The following RBM12B variants were observed in gnomAD, a reference collection of about 807,000 sequenced individuals.
RBM12B encodes the protein RNA-binding protein 12B.
RBM12B carries 10 observed loss-of-function variants against 34.3 expected under a neutral mutation model. That is an observed-to-expected ratio of 0.29 (90% CI 0.18 to 0.49). The LOEUF (loss-of-function observed/expected upper bound fraction) is 0.49. Among genes scored for constraint, RBM12B ranks in the 20% least tolerant of loss-of-function variants. The pLI, the probability that RBM12B is intolerant of heterozygous loss-of-function variation, is 0.99. For missense variants in RBM12B, 1,139 were observed against 1,262.7 expected, an observed-to-expected ratio of 0.90 and a Z score of 1.48; for synonymous variants, 477 against 437.1, an observed-to-expected ratio of 1.09 and a Z score of -1.14.
chr8:93,736,834 A>C (rs1812036040), intron 3 of RBM12B, among the ~76,000 whole-genome samples: 1 of 152,254 alleles, frequency 6.6e-6, no homozygotes, highest in South Asian at 2.1e-4. Flanking sequence ...TGAATTTTAC[A>C]TATTTAGAAA....
Position 93,736,104 on chromosome 8 carries a change from C to T in RBM12B, c.307G>A (p.Val103Ile), listed in dbSNP as rs990728066. ...TCAATAAAATTAGACAGGCTGTCAACCCCTGATGTCCCAGATCCTGGACGC... is the reference window on the plus strand; with the variant it reads ...TCAATAAAATTAGACAGGCTGTCAATCCCTGATGTCCCAGATCCTGGACGC... ...RGRPGSGTSG[V>I]DSLSNFIESV... Residue 103 changes from valine to isoleucine, a missense_variant, in exon 4 of 4, where the codon GTT (valine) becomes ATT (isoleucine). By Grantham distance (29) the Val-to-Ile change is conservative. Transcript: ENST00000520560. 9 of 1,614,004 alleles carry T rather than the reference C, an allele frequency of 5.6e-6. No individual in the cohort carries two copies. Among genetic ancestry groups the T allele is most frequent in the East Asian group, 2.2e-5 (1 of 44,896 alleles).
At position 93,728,221 on chromosome 8, in the gene RBM12B, T is replaced by C. The variant is rs1563653918; in HGVS notation, c.*5184A>G. The C allele has an allele frequency of 6.3e-7, 1 of 1,590,508 alleles. No individual in the cohort carries two copies. ...TTTTAACAGGTATCCACTTGTCGACTAAGAAAGGATCAACAAGCAGAAGAT... is the reference window on the plus strand; with the variant it reads ...TTTTAACAGGTATCCACTTGTCGACCAAGAAAGGATCAACAAGCAGAAGAT... On this transcript the variant is annotated 3_prime_UTR_variant, in exon 4 of 4. Coordinates refer to ENST00000520560, the MANE Select transcript of RBM12B (RefSeq NM_001377960.1).
Position 93,733,113 on chromosome 8 carries a change from G to C in RBM12B, c.*292C>G, listed in dbSNP as rs1460473035. On this transcript the variant is annotated 3_prime_UTR_variant, in exon 4 of 4. Coordinates refer to ENST00000520560, the MANE Select transcript of RBM12B (RefSeq NM_001377960.1). ...ATACAACTCTACTTCAATAAGTCTT[G>C]AAGATTACCGATGACATCAACAAAA... The C allele has an allele frequency of 4.9e-6, 1 of 203,808 alleles. No homozygotes were observed. The highest frequency in any genetic ancestry group is 9.7e-6 in the Non-Finnish European group (1 of 103,256). 12.6% of individuals were successfully genotyped at this position (203,808 alleles called of 1,614,324 possible). A position where few individuals can be genotyped will look rare whatever the true frequency, so the allele number is the denominator to read the frequency against.
At position 93,735,616 on chromosome 8, in the gene RBM12B, T is replaced by G. The variant is rs1221802899; in HGVS notation, c.795A>C (p.Arg265=). The change falls in exon 4 of 4, where the codon CGA becomes CGC. Residue 265 remains arginine (R), a synonymous_variant. Transcript: ENST00000520560. ...PPRGINDRHF[R]KRSHSKSPRR... ...TGGGAGATTTTGAATGAGACCGTTTTCGAAAATGTCTATCATTAATTCCTC... is the reference window on the plus strand; with the variant it reads ...TGGGAGATTTTGAATGAGACCGTTTGCGAAAATGTCTATCATTAATTCCTC... 1 of 1,614,170 alleles carries G rather than the reference T, an allele frequency of 6.2e-7. No homozygotes were observed. Among genetic ancestry groups the G allele is most frequent in the African/African-American group, 1.3e-5 (1 of 75,050 alleles).
rs1811934775 is a variant in RBM12B at position 93,734,458 on chromosome 8, G to T, written c.1953C>A (p.Phe651Leu). The change falls in exon 4 of 4, where the codon TTC becomes TTA. Residue 651 changes from phenylalanine (F) to leucine (L), a missense_variant. Physicochemically the swap from Phe to Leu is conservative, Grantham distance 22. Around this residue, in one of 3 missense-constraint regions of RBM12B, gnomAD observed 863 missense variants for 869.5 expected, o/e 0.99. Transcript: ENST00000520560. The part of the protein sequence containing the change: ...EDFRQLPEED[F>L]RQPPEEDLRW... ...TTAAGTCCTCCTCAGGGGGTTGCCT[G>T]AAGTCCTCCTCGGGGAGCTGCCTGA... is the stretch of plus-strand genomic sequence containing the variant. The T allele has an allele frequency of 1.9e-6, 3 of 1,605,268 alleles. No homozygotes were observed. Among genetic ancestry groups the T allele is most frequent in the Non-Finnish European group, 2.6e-6 (3 of 1,174,530 alleles).
In RBM12B at chr8:93,735,919, G is replaced by A; in HGVS notation, c.492C>T (p.Tyr164=). 1 of 1,614,150 alleles carries A rather than the reference G, an allele frequency of 6.2e-7. No homozygotes were observed. The highest frequency in any genetic ancestry group is 8.5e-7 in the Non-Finnish European group (1 of 1,180,042). The change falls in exon 4 of 4, where the codon TAC becomes TAT. Residue 164 remains tyrosine, a synonymous_variant. Transcript: ENST00000520560. ...CACGTACATCATCTTCATTTACTAG[G>A]TAAGGCAAACCTCGTAGAAACAAGT... ...NPYLFLRGLP[Y]LVNEDDVRVF...
intron 1 of RBM12B, 65 bp downstream of exon 1, chr8:93,740,816 G>A (rs1812186603): frequency 3.0e-6 from 1 of 335,364 alleles, no homozygotes; most frequent in Non-Finnish European, 5.8e-6. Flanking sequence ...CGGCTTGGTC[G>A]CCCAGCCCTC....
chr8:93,739,182 C>T (rs1812115917), intron 2 of RBM12B: 1 of 152,106 alleles, frequency 6.6e-6, no homozygotes, highest in African/African-American at 2.4e-5. Flanking sequence ...GCACCATAAG[C>T]TATACATATT....
intron 2 of RBM12B, among the ~76,000 whole-genome samples, chr8:93,739,834 T>C (rs1321740376): frequency 6.6e-6 from 1 of 152,346 alleles, no homozygotes; most frequent in Admixed American, 6.5e-5. Context: ...ACTGCTATTT[T>C]TATCCAACGA....
chr8:93,739,535 C>A (rs1404686590), intron 2 of RBM12B, among the ~76,000 whole-genome samples: 1 of 152,154 alleles, frequency 6.6e-6, no homozygotes, highest in Non-Finnish European at 1.5e-5. Context: ...CTGTAAGAGA[C>A]CAGCTCTCAA....
Position 93,735,022 on chromosome 8 carries a change from T to C in RBM12B, c.1389A>G (p.Arg463=), listed in dbSNP as rs773400347. The C allele has an allele frequency of 1.9e-6, 3 of 1,614,172 alleles. No homozygotes were observed. In the South Asian group the frequency reaches 3.3e-5, roughly 18 times the overall value. Residue 463 remains arginine, a synonymous_variant, in exon 4 of 4, where the codon CGA becomes CGG. Coordinates refer to ENST00000520560, the MANE Select transcript of RBM12B (RefSeq NM_001377960.1). ...QAMKAERLNR[R]RFLGTEVLLR... is the part of the protein sequence containing the mutation. ...ATAACACCTCTGTCCCTAGGAATCT[T>C]CGTCGGTTTAAACGTTCAGCTTTCA... is the stretch of plus-strand genomic sequence containing the variant.
Position 93,735,264 on chromosome 8 carries a change from G to A in RBM12B, c.1147C>T (p.Pro383Ser). 9 of 1,613,892 alleles carry A rather than the reference G, an allele frequency of 5.6e-6. No individual in the cohort carries two copies. Among genetic ancestry groups the A allele is most frequent in the Non-Finnish European group, 7.6e-6 (9 of 1,179,968 alleles). ...KRSGSLERDRPGHVSQKYSQE... is the reference protein window; with the variant it reads ...KRSGSLERDRSGHVSQKYSQE... ...GAGTATTTTTGTGAAACATGTCCGG[G>A]CCTATCTCTCTCTAGTGACCCTGAT... is the stretch of plus-strand genomic sequence containing the variant. Residue 383 changes from proline to serine, a missense_variant, in exon 4 of 4, where the codon CCC (proline) becomes TCC (serine). Transcript: ENST00000520560.
rs984124317 is a variant in RBM12B, at chr8:93,731,712, T to G, written c.*1693A>C. 1.3e-5 allele frequency: 2 copies of G among 152,536 alleles called. No individual in the cohort carries two copies. The highest frequency in any genetic ancestry group is 2.9e-5 in the Non-Finnish European group (2 of 68,032). 9.4% of individuals were successfully genotyped at this position (152,536 alleles called of 1,614,324 possible). A position where few individuals can be genotyped will look rare whatever the true frequency, so the allele number is the denominator to read the frequency against. ...ATTACCATATGTAAATTTAATTGTA[T>G]TATTTACTCAATGGGGAAAATCTGG... On this transcript the variant is annotated 3_prime_UTR_variant, in exon 4 of 4. Transcript: ENST00000520560.
rs1050119972 is a variant in RBM12B at position 93,735,393 on chromosome 8, C to T, written c.1018G>A (p.Ala340Thr). 2 of 1,612,998 alleles carry T rather than the reference C, an allele frequency of 1.2e-6. No individual in the cohort carries two copies. Among genetic ancestry groups the T allele is most frequent in the Non-Finnish European group, 8.5e-7 (1 of 1,179,276 alleles). Residue 340 changes from alanine to threonine, a missense_variant, in exon 4 of 4, where the codon GCT (alanine) becomes ACT (threonine). Ala to Thr is a moderately conservative substitution (Grantham distance 58). Transcript: ENST00000520560. The part of the protein sequence containing the change: ...MFKTLKDYNT[A>T]LSLHKTVLQY... ...AAAACAGTCTTATGTAAACTCAGAG[C>T]GGTATTATAGTCTTTCAGAGTCTTG...
In RBM12B at chr8:93,731,315, AT is replaced by A. The variant is rs976807680; in HGVS notation, c.*2089del. 6.6e-5 allele frequency: 10 copies of A among 152,180 alleles called. No individual in the cohort carries two copies. Among genetic ancestry groups the A allele is most frequent in the Non-Finnish European group, 1.5e-5 (1 of 68,030 alleles). 9.4% of individuals were successfully genotyped at this position (152,180 alleles called of 1,614,324 possible). ...CTTTATTCCTTTGTATCTGAGAAGC[AT>A]TTTTTAACTTTCCATATATTATTCA... On this transcript the variant is annotated 3_prime_UTR_variant, in exon 4 of 4. Transcript: ENST00000520560.
chr8:93,736,000 T>C lies in RBM12B; in HGVS notation c.411A>G (p.Thr137=). ...NQDAGFHTNG[T]GHGNLRPRKT... ...TTCTTGGCCTTAAATTACCATGTCCTGTACCATTAGTATGAAACCCAGCAT... is the reference window on the plus strand; with the variant it reads ...TTCTTGGCCTTAAATTACCATGTCCCGTACCATTAGTATGAAACCCAGCAT... Residue 137 remains threonine (T), a synonymous_variant, in exon 4 of 4, where the codon ACA becomes ACG. Transcript: ENST00000520560. 6.2e-7 allele frequency: 1 copy of C among 1,614,212 alleles called. No individual in the cohort carries two copies. Among genetic ancestry groups the C allele is most frequent in the Non-Finnish European group, 8.5e-7 (1 of 1,180,030 alleles).
Position 93,734,897 on chromosome 8 carries a change from C to T in RBM12B, c.1514G>A (p.Gly505Asp), listed in dbSNP as rs769912425. 2.5e-6 allele frequency: 4 copies of T among 1,614,076 alleles called. No homozygotes were observed. The highest frequency in any genetic ancestry group is 3.4e-6 in the Non-Finnish European group (4 of 1,179,972). ...MQARSQSRERGDHSHLFDSKD... is the reference protein window; with the variant it reads ...MQARSQSRERDDHSHLFDSKD... ...TGAGTCAAATAAATGGGAATGGTCA[C>T]CTCGCTCACGTGACTGTGAGCGAGC... The change falls in exon 4 of 4, where the codon GGT becomes GAT. Residue 505 changes from glycine to aspartate, a missense_variant. Gly to Asp is a moderately conservative substitution (Grantham distance 94). Coordinates refer to ENST00000520560, the MANE Select transcript of RBM12B (RefSeq NM_001377960.1).
At position 93,728,500 on chromosome 8, in the gene RBM12B, T is replaced by TA. The variant is rs1295047040; in HGVS notation, c.*4904dup. On this transcript the variant is annotated 3_prime_UTR_variant, in exon 4 of 4. Transcript: ENST00000520560. ...GTCATTTCAACATCCTACCTAGTGT[T>TA]ACATGATTTTTGTGTAAGTGCCTTT... The TA allele has an allele frequency of 9.9e-6, 4 of 404,066 alleles. No homozygotes were observed. The highest frequency in any genetic ancestry group is 1.3e-5 in the Non-Finnish European group (3 of 225,836). 25.0% of individuals were successfully genotyped at this position (404,066 alleles called of 1,614,324 possible). A position where few individuals can be genotyped will look rare whatever the true frequency, so the allele number is the denominator to read the frequency against.
rs1414945145 is a variant in RBM12B at position 93,731,646 on chromosome 8, A to G, written c.*1759T>C. ...ACATATAGGTAGTAACTAAGTACTG[A>G]CAAAGTATTCTACCTATGCAATATC... On this transcript the variant is annotated 3_prime_UTR_variant, in exon 4 of 4. Coordinates refer to ENST00000520560, the MANE Select transcript of RBM12B (RefSeq NM_001377960.1). 2 of 152,270 alleles carry G rather than the reference A, an allele frequency of 1.3e-5. No homozygotes were observed. The highest frequency in any genetic ancestry group is 1.5e-5 in the Non-Finnish European group (1 of 68,044). 9.4% of individuals were successfully genotyped at this position (152,270 alleles called of 1,614,324 possible). A position where few individuals can be genotyped will look rare whatever the true frequency, so the allele number is the denominator to read the frequency against.
Sources: gnomAD v4.1 joint callset for allele counts (sites outside exome capture counted in the v4.1 genomes callset) on GRCh38, gnomAD v4.1.1 for gene constraint, gnomAD v4.1.1 regional missense constraint, MANE v1.5 for transcripts, NCBI Gene and HGNC (gene_info 2026-07-23, HGNC 2026-07-21) for gene names.